NSFL1C: variants seen among roughly 807,000 people sequenced by gnomAD.
The protein encoded by NSFL1C is NSFL1 cofactor p47.
In NSFL1C, 14 loss-of-function variants were observed where a neutral mutation model predicts 43.1. That is an observed-to-expected ratio of 0.32 (90% CI 0.21 to 0.51). NSFL1C has a LOEUF of 0.51. Among genes scored for constraint, NSFL1C ranks in the 20% least tolerant of loss-of-function variants. The pLI, the probability that NSFL1C is intolerant of heterozygous loss-of-function variation, is 0.98. For missense variants in NSFL1C, 406 were observed against 472.5 expected (o/e 0.86, Z 1.30); for synonymous variants, 171 against 183.5 (o/e 0.93, Z 0.55).
intron 3 of NSFL1C, chr20:1,455,897 G>C (rs758766827): frequency 1.5e-6 from 1 of 654,818 alleles, no homozygotes. Context: ...GGAGGTCAGA[G>C]AAGCTCCAAT....
chr20:1,465,570 T>C (rs746367361), intron 1 of NSFL1C, among the ~76,000 whole-genome samples: 8 of 152,172 alleles, frequency 5.3e-5, no homozygotes, highest in Non-Finnish European at 1.2e-4. Flanking sequence ...ACCGAATTCT[T>C]ATGTTTGGGG....
At chr20:1,452,972 C>T in intron 6 of NSFL1C, 59 bp downstream of exon 6, 1 of 924,626 alleles carries the variant, frequency 1.1e-6, no homozygotes, top group Non-Finnish European at 1.8e-6. Flanking sequence ...CTGCCTCCTC[C>T]TTTCCCAACT....
At chr20:1,458,119 C>G in intron 3 of NSFL1C, 81 bp downstream of exon 3, 1 of 1,098,682 alleles carries the variant, frequency 9.1e-7, no homozygotes, top group South Asian at 1.2e-5. Flanking sequence ...AACATGTTTA[C>G]CAGGTCCTGT....
At chr20:1,453,010 C>A (rs768391340) in intron 6 of NSFL1C, 21 bp downstream of exon 6, 1 of 1,355,404 alleles carries the variant, frequency 7.4e-7, no homozygotes, top group Middle Eastern at 1.8e-4. Context: ...TTGGGACCTA[C>A]AGGAGGGCTT....
Position 1,443,605 on chromosome 20 carries a change from C to T in NSFL1C, c.*144G>A, listed in dbSNP as rs770480323. 1.1e-4 allele frequency: 77 copies of T among 709,322 alleles called. No individual in the cohort carries two copies. Among genetic ancestry groups the T allele is most frequent in the Non-Finnish European group, 1.6e-4 (70 of 450,288 alleles). 43.9% of individuals were successfully genotyped at this position (709,322 alleles called of 1,614,324 possible). A position where few individuals can be genotyped will look rare whatever the true frequency, so the allele number is the denominator to read the frequency against. ...ACTAAGGAGAAAACAAACGTCCAACCAAGATCTAAGAACCCAGAGCTATGG... is the reference window on the plus strand; with the variant it reads ...ACTAAGGAGAAAACAAACGTCCAACTAAGATCTAAGAACCCAGAGCTATGG... On this transcript the variant is annotated 3_prime_UTR_variant, in exon 9 of 9. Transcript: ENST00000216879.
chr20:1,458,295 A>C (rs757715404), intron 2 of NSFL1C, 21 bp from the exon 3 acceptor site: 2 of 1,599,702 alleles, frequency 1.3e-6, no homozygotes, highest in Middle Eastern at 1.7e-4. Flanking sequence ...AGAAAGGAGC[A>C]AAATGATCTC....
At chr20:1,445,019 T>G (rs779215101) in intron 8 of NSFL1C, among the ~76,000 whole-genome samples, 51 of 152,192 alleles carry the variant, frequency 3.4e-4, no homozygotes, top group Non-Finnish European at 6.3e-4. Flanking sequence ...CCAATAACAT[T>G]TAGACACTTC....
At chr20:1,462,561 G>A (rs1599971780) in intron 2 of NSFL1C, among the ~76,000 whole-genome samples, 3 of 148,840 alleles carry the variant, frequency 2.0e-5, no homozygotes, top group African/African-American at 7.5e-5. Context: ...TTGCTCTGTC[G>A]CCCAGGCTGG....
rs1294918617 is a variant in NSFL1C, at chr20:1,454,874, G to GA, written c.444+92dup. ...AGACCAAGTAAGCAAATGAAAAAAA[G>GA]AAAAAAATCAGTCACTACCGGGGTG... On this transcript the variant is annotated intron_variant, in intron 4 of 8. Coordinates refer to ENST00000216879, the MANE Select transcript of NSFL1C (RefSeq NM_016143.5). The GA allele has an allele frequency of 2.9e-6, 4 of 1,367,316 alleles. No individual in the cohort carries two copies. The Admixed American group carries it at 6.4e-5, about 22-fold the overall frequency. The allele number at this position is 1,367,316 out of a possible 1,614,324, so 84.7% of individuals were successfully genotyped here.
intron 1 of NSFL1C, among the ~76,000 whole-genome samples, chr20:1,465,662 G>T (rs917270541): frequency 3.3e-5 from 5 of 152,138 alleles, no homozygotes; most frequent in Admixed American, 1.3e-4. Flanking sequence ...CAAATTCTTT[G>T]CCCTCTGTGC....
At chr20:1,459,313 C>T (rs2090365411) in intron 2 of NSFL1C, among the ~76,000 whole-genome samples, 1 of 152,162 alleles carries the variant, frequency 6.6e-6, no homozygotes, top group Middle Eastern at 3.2e-3. Context: ...TCTGGCACTT[C>T]CCCCTTCACA....
intron 8 of NSFL1C, 85 bp from the exon 9 acceptor site, chr20:1,443,996 C>A: frequency 7.1e-7 from 1 of 1,402,662 alleles, no homozygotes; most frequent in Non-Finnish European, 9.7e-7. Flanking sequence ...CCTCGCAAAT[C>A]CCCTTTCCTG....
chr20:1,442,660 T>A lies in NSFL1C; in HGVS notation c.*1089A>T, dbSNP rs1412856008. 6.6e-6 allele frequency: 1 copy of A among 152,168 alleles called. No homozygotes were observed. Among genetic ancestry groups the A allele is most frequent in the Admixed American group, 6.5e-5 (1 of 15,284 alleles). 9.4% of individuals were successfully genotyped at this position (152,168 alleles called of 1,614,324 possible). Reference sequence around the variant, plus strand: ...ACCAGGCTAGGACTACTGCCTATGTTTCTGCAAGTCACAAGTCAGCAGGTC... The same window carrying A: ...ACCAGGCTAGGACTACTGCCTATGTATCTGCAAGTCACAAGTCAGCAGGTC... On this transcript the variant is annotated 3_prime_UTR_variant, in exon 9 of 9. Transcript: ENST00000216879.
At chr20:1,464,700 T>G (rs1241427949) in intron 1 of NSFL1C, among the ~76,000 whole-genome samples, 1 of 152,230 alleles carries the variant, frequency 6.6e-6, no homozygotes, top group Non-Finnish European at 1.5e-5. Context: ...CGTGATCTAG[T>G]AAAAGTAGCA....
At position 1,452,476 on chromosome 20, in the gene NSFL1C, C is replaced by A; in HGVS notation, c.785+17G>T. ...TGTGATTGACAGAGTCTGGCTCTAA[C>A]CTGTGCTGCCCCTTACCTGCCCAGT... On this transcript the variant is annotated intron_variant, in intron 7 of 8. Coordinates refer to ENST00000216879, the MANE Select transcript of NSFL1C (RefSeq NM_016143.5). 6.8e-6 allele frequency: 11 copies of A among 1,613,462 alleles called. No homozygotes were observed. The highest frequency in any genetic ancestry group is 9.3e-6 in the Non-Finnish European group (11 of 1,179,628).
At chr20:1,460,797 A>C (rs1364597540) in intron 2 of NSFL1C, among the ~76,000 whole-genome samples, 1 of 152,234 alleles carries the variant, frequency 6.6e-6, no homozygotes, top group East Asian at 1.9e-4. Context: ...GCTAGTAGCT[A>C]CCTTGTTGGA....
chr20:1,464,163 G>A (rs568423972), intron 2 of NSFL1C, 166 bp downstream of exon 2: 1 of 630,874 alleles, frequency 1.6e-6, no homozygotes, highest in Non-Finnish European at 2.8e-6. Flanking sequence ...ATGCATCTCT[G>A]TATAGGAAAT....
intron 1 of NSFL1C, among the ~76,000 whole-genome samples, chr20:1,465,993 T>C (rs1279475841): frequency 6.6e-6 from 1 of 152,356 alleles, no homozygotes; most frequent in East Asian, 1.9e-4. Context: ...ATCATCTACC[T>C]AAGACGAAGC....
chr20:1,453,135 A>G lies in NSFL1C; in HGVS notation c.543T>C (p.His181=). Residue 181 remains histidine (H), a synonymous_variant, in exon 6 of 9, where the codon CAT becomes CAC. Coordinates refer to ENST00000216879, the MANE Select transcript of NSFL1C (RefSeq NM_016143.5). ...EKRQHSSQDV[H]VVLKLWKSGF... ...CACTCTTCCAGAGTTTCAATACTAC[A>G]TGAACCTGTGATGACAGGGAGTAAA... 1.3e-6 allele frequency: 2 copies of G among 1,579,940 alleles called. No individual in the cohort carries two copies. The highest frequency in any genetic ancestry group is 1.3e-5 in the African/African-American group (1 of 74,318).
Sources: allele counts gnomAD v4.1 joint callset (sites outside exome capture counted in the v4.1 genomes callset), GRCh38; gene constraint gnomAD v4.1.1; transcripts MANE v1.5; gene names NCBI Gene and HGNC (gene_info 2026-07-23, HGNC 2026-07-21).